The following ZHX3 variants were observed in gnomAD, a reference collection of about 807,000 sequenced individuals.
The protein encoded by ZHX3 is zinc fingers and homeoboxes protein 3.
A neutral mutation model predicts 64.5 loss-of-function variants in ZHX3; 20 were observed. The observed-to-expected ratio is 0.31, with a 90% CI of 0.22 to 0.45. The LOEUF is 0.45. Among genes scored for constraint, ZHX3 ranks in the 20% least tolerant of loss-of-function variants. The pLI, the probability that ZHX3 is intolerant of heterozygous loss-of-function variation, is 1.00. For missense variants in ZHX3, 1,041 were observed against 1,195.8 expected (o/e 0.87, Z 1.91); for synonymous variants, 423 against 461.6 (o/e 0.92, Z 1.07).
At chr20:41,283,199 A>G (rs1690456321) in intron 1 of ZHX3, among the ~76,000 whole-genome samples, 2 of 152,264 alleles carry the variant, frequency 1.3e-5, no homozygotes, top group South Asian at 4.1e-4. Flanking sequence ...GTGAGCCACC[A>G]TGCCCGGCCT....
chr20:41,210,075 A>C (rs1311600850), intron 2 of ZHX3, among the ~76,000 whole-genome samples: 1 of 152,252 alleles, frequency 6.6e-6, no homozygotes, highest in Non-Finnish European at 1.5e-5. Context: ...ACATTTATGC[A>C]GCCAAAAGAC....
Position 41,201,259 on chromosome 20 carries a change from A to C in ZHX3, c.2860+798T>G. On this transcript the variant is annotated intron_variant, in intron 3 of 3. Transcript: ENST00000683867. This position sits in a 1 kb window ranked among gnomAD's most constrained non-coding sequence, Gnocchi z 5.0. ...GGAACCCCCAATCCCTTCAGCTTCT[A>C]CAATACTCCGCCCTCCTGGCTCTCA... The C allele has an allele frequency of 4.6e-4, 591 of 1,282,838 alleles. No homozygotes were observed. The highest frequency in any genetic ancestry group is 5.6e-4 in the Non-Finnish European group (547 of 979,092). 79.5% of individuals were successfully genotyped at this position (1,282,838 alleles called of 1,614,324 possible).
rs764067657 is a variant in ZHX3, at chr20:41,202,976, A to T, written c.1941T>A (p.Ser647Arg). The T allele has an allele frequency of 1.1e-5, 17 of 1,613,746 alleles. No individual in the cohort carries two copies. In the African/African-American group the frequency reaches 2.3e-4, roughly 22 times the overall value. The change falls in exon 3 of 4, where the codon AGT becomes AGA. Residue 647 changes from serine (S) to arginine (R), a missense_variant. Around this residue, in one of 4 missense-constraint regions of ZHX3, gnomAD observed 649 missense variants for 739.8 expected, o/e 0.88. Transcript: ENST00000683867. This position sits in a 1 kb window ranked among gnomAD's most constrained non-coding sequence, Gnocchi z 7.0. ...TTTCTCGTCGGGTCATTTTGGTTTC[A>T]CTTCTCAGGCGGTCCAGTTCCTCAT... ...PLDEELDRLR[S>R]ETKMTRREID...
Position 41,185,330 on chromosome 20 carries a change from T to A in ZHX3, c.2861-129A>T. 8.8e-7 allele frequency: 1 copy of A among 1,142,776 alleles called. No homozygotes were observed. The highest frequency in any genetic ancestry group is 1.6e-5 in the South Asian group (1 of 62,934). 70.8% of individuals were successfully genotyped at this position (1,142,776 alleles called of 1,614,324 possible). A position where few individuals can be genotyped will look rare whatever the true frequency, so the allele number is the denominator to read the frequency against. On this transcript the variant is annotated intron_variant, in intron 3 of 3. Transcript: ENST00000683867. The surrounding 1 kb of genome is among the most constrained non-coding windows in gnomAD (Gnocchi z 5.0). The stretch of plus-strand genomic sequence containing the variant: ...ACCTCTTAATTCCATGAGCAATGAA[T>A]GGCCTTCTGCCACCCACTCCCCCAC...
intron 3 of ZHX3, among the ~76,000 whole-genome samples, chr20:41,194,583 T>G (rs2037325858): frequency 6.6e-6 from 1 of 152,176 alleles, no homozygotes; most frequent in African/African-American, 2.4e-5. Flanking sequence ...GGTGACCTCA[T>G]GAGTTAAGAA....
intron 2 of ZHX3, among the ~76,000 whole-genome samples, chr20:41,209,763 A>G (rs1008589237): frequency 6.6e-6 from 1 of 152,224 alleles, no homozygotes; most frequent in African/African-American, 2.4e-5. Flanking sequence ...CCTAGGCAAT[A>G]CCATTCAGGA....
At chr20:41,193,798 C>A (rs1392552099) in intron 3 of ZHX3, among the ~76,000 whole-genome samples, 1 of 151,566 alleles carries the variant, frequency 6.6e-6, no homozygotes, top group Non-Finnish European at 1.5e-5. Flanking sequence ...GCTCTGCCTG[C>A]CAGGCTCAAG....
At chr20:41,295,562 T>C (rs1327546431) in intron 1 of ZHX3, among the ~76,000 whole-genome samples, 2 of 152,158 alleles carry the variant, frequency 1.3e-5, no homozygotes, top group Admixed American at 1.3e-4. Context: ...TACAATACTT[T>C]TATAATAAAT....
intron 1 of ZHX3, among the ~76,000 whole-genome samples, chr20:41,300,842 C>T (rs540601114): frequency 6.6e-6 from 1 of 152,130 alleles, no homozygotes; most frequent in East Asian, 1.9e-4. Context: ...CAGAAAGGGG[C>T]CACAGAATGA....
intron 1 of ZHX3, among the ~76,000 whole-genome samples, chr20:41,291,527 A>G (rs1337886146): frequency 1.3e-5 from 2 of 152,208 alleles, no homozygotes; most frequent in Non-Finnish European, 2.9e-5. Flanking sequence ...AGCACAGAGC[A>G]TAAGTACCAT....
chr20:41,276,028 T>C (rs567774653), intron 1 of ZHX3, among the ~76,000 whole-genome samples: 1 of 152,304 alleles, frequency 6.6e-6, no homozygotes, highest in African/African-American at 2.4e-5. Context: ...GGTGGTGGCA[T>C]AGAGGAAAAT....
intron 1 of ZHX3, among the ~76,000 whole-genome samples, chr20:41,308,112 A>T (rs2045032139): frequency 6.6e-6 from 1 of 152,226 alleles, no homozygotes; most frequent in African/African-American, 2.4e-5. Flanking sequence ...TATTATCACC[A>T]TCACACTGAT....
chr20:41,285,112 A>C (rs145746817), intron 1 of ZHX3, among the ~76,000 whole-genome samples: 21 of 151,952 alleles, frequency 1.4e-4, no homozygotes, highest in Non-Finnish European at 2.5e-4. Flanking sequence ...TCTGCTTGCC[A>C]TTCTGTTTTA....
At chr20:41,257,506 C>T (rs1457767739) in intron 2 of ZHX3, among the ~76,000 whole-genome samples, 1 of 152,122 alleles carries the variant, frequency 6.6e-6, no homozygotes, top group Non-Finnish European at 1.5e-5. Flanking sequence ...CTTTCATATT[C>T]TTAATCCAGT....
At chr20:41,213,564 AAG>A (rs1278633737) in intron 2 of ZHX3, among the ~76,000 whole-genome samples, 2 of 152,184 alleles carry the variant, frequency 1.3e-5, no homozygotes, top group African/African-American at 4.8e-5. Context: ...ACAAAGGAAA[AAG>A]AGCATGAGCA....
intron 1 of ZHX3, among the ~76,000 whole-genome samples, chr20:41,312,828 T>C (rs1396674065): frequency 6.6e-6 from 1 of 151,970 alleles, no homozygotes; most frequent in Non-Finnish European, 1.5e-5. Flanking sequence ...AGAGTAAGTG[T>C]GGATGCGAGT....
At chr20:41,216,471 G>A (rs2039541420) in intron 2 of ZHX3, among the ~76,000 whole-genome samples, 1 of 152,140 alleles carries the variant, frequency 6.6e-6, no homozygotes, top group Non-Finnish European at 1.5e-5. Context: ...AAATGGAATT[G>A]TATTTTTACA....
intron 1 of ZHX3, among the ~76,000 whole-genome samples, chr20:41,273,967 T>A (rs1234343885): frequency 6.6e-6 from 1 of 152,204 alleles, no homozygotes; most frequent in Non-Finnish European, 1.5e-5. Context: ...AATCCATGGA[T>A]GTCTTTCCAT....
chr20:41,241,127 C>T (rs1401564419), intron 2 of ZHX3, among the ~76,000 whole-genome samples: 4 of 152,220 alleles, frequency 2.6e-5, no homozygotes, highest in Non-Finnish European at 5.9e-5. Flanking sequence ...TTCCCAGCAA[C>T]AGTGTACAAG....
Sources: gnomAD v4.1 joint callset for allele counts (sites outside exome capture counted in the v4.1 genomes callset) on GRCh38, gnomAD v4.1.1 for gene constraint, gnomAD v4.1.1 regional missense constraint, Gnocchi (gnomAD v3.1) non-coding constraint, MANE v1.5 for transcripts, NCBI Gene and HGNC (gene_info 2026-07-23, HGNC 2026-07-21) for gene names.